The following NKAIN3 variants were observed in gnomAD, a reference collection of about 807,000 sequenced individuals.
NKAIN3 encodes sodium/potassium transporting ATPase interacting 3.
In NKAIN3, 25 loss-of-function variants were observed where a neutral mutation model predicts 30.2. The observed-to-expected ratio is 0.83, with a 90% confidence interval of 0.60 to 1.16. The LOEUF is 1.16. Among genes scored for constraint, NKAIN3 ranks in the 50% most tolerant of loss-of-function variants. NKAIN3 has a pLI of 0.00. For missense variants in NKAIN3, 225 were observed against 254.1 expected, an observed-to-expected ratio of 0.89 and a Z score of 0.78; for synonymous variants, 91 against 89.6, an observed-to-expected ratio of 1.02 and a Z score of -0.09.
At chr8:62,878,321 A>G (rs529946468) in intron 4 of NKAIN3, among the ~76,000 whole-genome samples, 1 of 152,190 alleles carries the variant, frequency 6.6e-6, no homozygotes, top group African/African-American at 2.4e-5. Context: ...TTTCTTATCA[A>G]TTACTATGTC....
intron 1 of NKAIN3, among the ~76,000 whole-genome samples, chr8:62,499,174 T>G (rs575381073): frequency 6.2e-4 from 94 of 152,292 alleles, no homozygotes; most frequent in African/African-American, 2.2e-3. Flanking sequence ...AGGCGTAAAC[T>G]GCTGTGAATG....
intron 1 of NKAIN3, among the ~76,000 whole-genome samples, chr8:62,559,306 T>G (rs1429244097): frequency 4.6e-5 from 7 of 152,046 alleles, no homozygotes; most frequent in Admixed American, 3.3e-4. Flanking sequence ...TTAACCTGCC[T>G]ATATAATTTA....
intron 1 of NKAIN3, among the ~76,000 whole-genome samples, chr8:62,540,727 T>C (rs763308982): frequency 3.3e-5 from 5 of 152,098 alleles, no homozygotes; most frequent in Non-Finnish European, 7.3e-5. Flanking sequence ...TTCATGTGTG[T>C]GTGTGTGTTG....
intron 1 of NKAIN3, among the ~76,000 whole-genome samples, chr8:62,490,856 G>A (rs1434058945): frequency 1.3e-5 from 2 of 152,152 alleles, no homozygotes; most frequent in South Asian, 2.1e-4. Context: ...TAACCTTGCT[G>A]AAGCTCCATT....
At chr8:62,316,919 A>C (rs1056310746) in intron 1 of NKAIN3, among the ~76,000 whole-genome samples, 13 of 152,150 alleles carry the variant, frequency 8.5e-5, no homozygotes, top group African/African-American at 3.1e-4. Context: ...TTATTTCCCC[A>C]CATCCTTTCC....
chr8:62,516,039 C>A (rs1378227429), intron 1 of NKAIN3, among the ~76,000 whole-genome samples: 9 of 151,884 alleles, frequency 5.9e-5, no homozygotes, highest in Non-Finnish European at 7.4e-5. Flanking sequence ...GAACAAAAAG[C>A]CCCATTTTTT....
intron 4 of NKAIN3, among the ~76,000 whole-genome samples, chr8:62,835,295 T>A (rs970868203): frequency 6.6e-6 from 1 of 151,948 alleles, no homozygotes; most frequent in African/African-American, 2.4e-5. Context: ...CGAAAGCAAT[T>A]GCAACAAAAA....
intron 1 of NKAIN3, among the ~76,000 whole-genome samples, chr8:62,385,696 C>T (rs1225540065): frequency 6.6e-6 from 1 of 152,072 alleles, no homozygotes. Flanking sequence ...ATAGTCAAAC[C>T]CTTTCACATC....
intron 4 of NKAIN3, among the ~76,000 whole-genome samples, chr8:62,780,173 A>T (rs2130651442): frequency 6.6e-6 from 1 of 152,274 alleles, no homozygotes; most frequent in South Asian, 2.1e-4. Flanking sequence ...TTATAAGCTA[A>T]CAAACTGGAA....
chr8:62,319,338 C>T (rs1280688097), intron 1 of NKAIN3, among the ~76,000 whole-genome samples: 2 of 152,072 alleles, frequency 1.3e-5, no homozygotes, highest in Non-Finnish European at 1.5e-5. Context: ...TTCTTCATTT[C>T]TGCTCTGATC....
At chr8:62,587,435 G>T (rs1810511518) in intron 2 of NKAIN3, among the ~76,000 whole-genome samples, 1 of 151,880 alleles carries the variant, frequency 6.6e-6, no homozygotes, top group Non-Finnish European at 1.5e-5. Context: ...AAAATAAATT[G>T]CCAATTATAG....
intron 1 of NKAIN3, among the ~76,000 whole-genome samples, chr8:62,369,724 C>T (rs1816847427): frequency 6.6e-6 from 1 of 151,460 alleles, no homozygotes; most frequent in African/African-American, 2.4e-5. Flanking sequence ...AAATCCATAA[C>T]CATCAGGGGG....
At chr8:62,428,500 C>T (rs1052259092) in intron 1 of NKAIN3, among the ~76,000 whole-genome samples, 6 of 151,716 alleles carry the variant, frequency 4.0e-5, no homozygotes, top group African/African-American at 1.5e-4. Flanking sequence ...AGCATCTTCA[C>T]CAGCATTTAT....
In NKAIN3 at chr8:62,970,924, G is replaced by A. The variant is rs191694800; in HGVS notation, c.*5517G>A. Among the ~76,000 whole-genome samples the A allele has an allele frequency of 1.1e-3, 169 of 152,258 alleles. 1 individual carries two copies. Among genetic ancestry groups the A allele is most frequent in the African/African-American group, 4.0e-3 (166 of 41,558 alleles). ...AGACAACTTAGTCTATATTAGTTAG[G>A]ATTAGGTTTACCTACAAGTAACAGA... On this transcript the variant is annotated 3_prime_UTR_variant, in exon 7 of 7. Coordinates refer to ENST00000623646, the MANE Select transcript of NKAIN3 (RefSeq NM_001304533.3).
At chr8:62,318,020 T>G (rs896032207) in intron 1 of NKAIN3, among the ~76,000 whole-genome samples, 9 of 152,200 alleles carry the variant, frequency 5.9e-5, no homozygotes, top group Non-Finnish European at 1.2e-4. Flanking sequence ...TTCCTAGGTA[T>G]TTTATTCTCT....
intron 1 of NKAIN3, among the ~76,000 whole-genome samples, chr8:62,469,724 C>A (rs1806272643): frequency 6.6e-6 from 1 of 152,174 alleles, no homozygotes; most frequent in South Asian, 2.1e-4. Flanking sequence ...AAGAAACCTT[C>A]ATCACCTAAT....
At chr8:62,469,619 T>G (rs1806268383) in intron 1 of NKAIN3, among the ~76,000 whole-genome samples, 1 of 152,160 alleles carries the variant, frequency 6.6e-6, no homozygotes, top group Non-Finnish European at 1.5e-5. Flanking sequence ...GACTTTATTT[T>G]TAAATGTGTA....
Position 62,398,061 on chromosome 8 carries a change from G to A in NKAIN3, c.54+148934G>A, listed in dbSNP as rs896894505. On this transcript the variant is annotated intron_variant, in intron 1 of 6. Transcript: ENST00000623646. ...GGGTGCAGGCACCATGTCTGGCCAC[G>A]AAGCTGGCAAGAAGCCCCCCAAACA... 1.1e-4 allele frequency among the ~76,000 whole-genome samples: 16 copies of A among 152,140 alleles called. 1 individual carries two copies. Among genetic ancestry groups the A allele is most frequent in the African/African-American group, 3.1e-4 (13 of 41,442 alleles).
At chr8:62,502,019 G>A (rs1327199665) in intron 1 of NKAIN3, among the ~76,000 whole-genome samples, 1 of 152,124 alleles carries the variant, frequency 6.6e-6, no homozygotes, top group Non-Finnish European at 1.5e-5. Flanking sequence ...CCAGAGAGCT[G>A]CCCACCATGT....
Sources: allele counts gnomAD v4.1 joint callset (sites outside exome capture counted in the v4.1 genomes callset), GRCh38; gene constraint gnomAD v4.1.1; transcripts MANE v1.5; gene names NCBI Gene and HGNC (gene_info 2026-07-23, HGNC 2026-07-21).